Variants in UXS1 observed in about 807,000 individuals in gnomAD.
UXS1 encodes the protein UDP-glucuronate decarboxylase 1.
In UXS1, 33 loss-of-function variants were observed where a neutral mutation model predicts 62.6. The ratio of observed to expected loss-of-function variants is 0.53; its 90% CI spans 0.40 to 0.70. The LOEUF (loss-of-function observed/expected upper bound fraction) is 0.70. UXS1 is among the 30% of genes least tolerant of loss of function. The pLI is 0.00. For synonymous variants in UXS1, 213 were observed against 206.8 expected, an observed-to-expected ratio of 1.03 and a Z score of -0.26; for missense variants, 434 against 556.3, an observed-to-expected ratio of 0.78 and a Z score of 2.21.
chr2:106,102,037 A>G (rs1384674160), intron 11 of UXS1: 2 of 152,222 alleles, frequency 1.3e-5, no homozygotes, highest in Non-Finnish European at 2.9e-5. Context: ...AGAAAACCGC[A>G]GATAGGTTTT....
chr2:106,151,095 T>C (rs917542523), intron 5 of UXS1, among the ~76,000 whole-genome samples: 1 of 152,216 alleles, frequency 6.6e-6, no homozygotes, highest in African/African-American at 2.4e-5. Context: ...AGTAGATAAC[T>C]TGTTTTGATT....
Position 106,145,382 on chromosome 2 carries a change from C to T in UXS1, c.292-12G>A, listed in dbSNP as rs771486408. The T allele has an allele frequency of 7.7e-5, 123 of 1,606,656 alleles. No homozygotes were observed. Among genetic ancestry groups the T allele is most frequent in the South Asian group, 2.6e-4 (23 of 89,732 alleles). ...GCGCCTCCTGTTATCTGCATCCGGA[C>T]AGCGTGTGCAGAGCATTCCCAGAAA... On this transcript the variant is annotated splice_polypyrimidine_tract_variant and intron_variant, in intron 5 of 14. Transcript: ENST00000283148.
At chr2:106,153,172 T>C (rs895731258) in intron 5 of UXS1, among the ~76,000 whole-genome samples, 9 of 152,166 alleles carry the variant, frequency 5.9e-5, no homozygotes, top group Admixed American at 5.9e-4. Flanking sequence ...GAGAGGACAC[T>C]TAAGAAACCT....
chr2:106,169,295 CT>C (rs1215165858), intron 1 of UXS1, among the ~76,000 whole-genome samples: 1 of 152,232 alleles, frequency 6.6e-6, no homozygotes, highest in Non-Finnish European at 1.5e-5. Flanking sequence ...CATCCATTCT[CT>C]TATTGCCTTC....
At chr2:106,105,382 G>T (rs1461006056) in intron 10 of UXS1, among the ~76,000 whole-genome samples, 1 of 121,710 alleles carries the variant, frequency 8.2e-6, no homozygotes, top group Non-Finnish European at 1.8e-5. Flanking sequence ...CTCTGAAAGT[G>T]ATGCGGAGGT....
At chr2:106,143,822 C>T (rs1681345177) in intron 6 of UXS1, among the ~76,000 whole-genome samples, 1 of 152,228 alleles carries the variant, frequency 6.6e-6, no homozygotes, top group African/African-American at 2.4e-5. Flanking sequence ...TAGGTCAGGT[C>T]CCTTGCACAC....
chr2:106,143,405 T>G (rs1681291013), intron 6 of UXS1, among the ~76,000 whole-genome samples: 1 of 15,632 alleles, frequency 6.4e-5, no homozygotes, highest in South Asian at 3.9e-3. Context: ...AGAGACTCCG[T>G]CTCAAAAAAA....
chr2:106,185,667 T>C (rs148767931), intron 1 of UXS1, among the ~76,000 whole-genome samples: 31 of 152,358 alleles, frequency 2.0e-4, no homozygotes, highest in African/African-American at 5.8e-4. Context: ...GTGATTGTTA[T>C]CTTACTTGGA....
intron 9 of UXS1, among the ~76,000 whole-genome samples, chr2:106,114,616 T>A (rs1323612743): frequency 6.6e-6 from 1 of 152,234 alleles, no homozygotes; most frequent in African/African-American, 2.4e-5. Flanking sequence ...CAAATGCTTT[T>A]ATCTTCTTGA....
chr2:106,131,001 C>T (rs1282811637), intron 6 of UXS1, among the ~76,000 whole-genome samples: 1 of 151,816 alleles, frequency 6.6e-6, no homozygotes, highest in Non-Finnish European at 1.5e-5. Context: ...GTTCCGGGTT[C>T]ATCTCACTAG....
chr2:106,113,996 G>A (rs1028654113), intron 9 of UXS1, among the ~76,000 whole-genome samples: 1 of 152,198 alleles, frequency 6.6e-6, no homozygotes, highest in Admixed American at 6.5e-5. Flanking sequence ...TTGGGAATGG[G>A]AATCCAATGA....
At chr2:106,108,194 C>T (rs1263254438) in intron 10 of UXS1, among the ~76,000 whole-genome samples, 1 of 152,230 alleles carries the variant, frequency 6.6e-6, no homozygotes, top group Admixed American at 6.5e-5. Context: ...AATTAGCCTA[C>T]CTATTTCACT....
At chr2:106,110,967 G>A (rs1678545067) in intron 10 of UXS1, among the ~76,000 whole-genome samples, 1 of 152,170 alleles carries the variant, frequency 6.6e-6, no homozygotes, top group African/African-American at 2.4e-5. Context: ...AGACGCTGCT[G>A]GGACAGGCAG....
intron 7 of UXS1, among the ~76,000 whole-genome samples, chr2:106,129,085 C>T (rs1680210779): frequency 1.3e-5 from 2 of 152,188 alleles, no homozygotes. Flanking sequence ...TAAGGCATGT[C>T]ATTTGTGAAT....
chr2:106,120,709 A>C (rs745446021), intron 9 of UXS1, among the ~76,000 whole-genome samples: 1 of 152,210 alleles, frequency 6.6e-6, no homozygotes, highest in Non-Finnish European at 1.5e-5. Flanking sequence ...CGTGGTTCCC[A>C]CATGAAGAAC....
intron 8 of UXS1, among the ~76,000 whole-genome samples, chr2:106,123,752 CAAGTAT>C (rs1456948661): frequency 1.3e-5 from 2 of 152,180 alleles, no homozygotes; most frequent in African/African-American, 4.8e-5. Context: ...TTTATTCACA[CAAGTAT>C]ATTTCTGGAA....
chr2:106,150,869 G>T (rs1681955638), intron 5 of UXS1, among the ~76,000 whole-genome samples: 1 of 152,198 alleles, frequency 6.6e-6, no homozygotes. Context: ...CCACAAGGCT[G>T]GGGCTCCCAG....
At chr2:106,180,872 G>A (rs1291898593) in intron 1 of UXS1, among the ~76,000 whole-genome samples, 1 of 152,158 alleles carries the variant, frequency 6.6e-6, no homozygotes, top group African/African-American at 2.4e-5. Context: ...AATGATGCCT[G>A]GTGTGGCATG....
intron 10 of UXS1, among the ~76,000 whole-genome samples, chr2:106,105,601 A>G (rs745473260): frequency 2.6e-5 from 4 of 152,136 alleles, no homozygotes; most frequent in Admixed American, 6.5e-5. Flanking sequence ...CCCTTTGCCA[A>G]CTGCCCCCAA....
Sources: gnomAD v4.1 joint callset for allele counts (sites outside exome capture counted in the v4.1 genomes callset) on GRCh38, gnomAD v4.1.1 for gene constraint, MANE v1.5 for transcripts, NCBI Gene and HGNC (gene_info 2026-07-23, HGNC 2026-07-21) for gene names.